The following GPC5 variants were observed in gnomAD, a reference collection of about 807,000 sequenced individuals.
GPC5 encodes glypican-5.
In GPC5, 47 loss-of-function variants were observed where a neutral mutation model predicts 53.9. That is an observed-to-expected ratio of 0.87 (90% CI 0.69 to 1.11). The LOEUF is 1.11. GPC5 is among the 50% of genes most tolerant of loss of function. GPC5 has a pLI of 0.00. For missense variants in GPC5, 748 were observed against 713.1 expected (o/e 1.05, Z -0.56); for synonymous variants, 286 against 263.3 (o/e 1.09, Z -0.84).
chr13:92,004,856 A>C (rs1028623205), intron 6 of GPC5, among the ~76,000 whole-genome samples: 11 of 152,080 alleles, frequency 7.2e-5, no homozygotes, highest in Admixed American at 5.9e-4. Context: ...ATTGTAGGGG[A>C]AACTGCCCTC....
At chr13:92,692,185 T>C (rs1049217766) in intron 7 of GPC5, among the ~76,000 whole-genome samples, 4 of 152,156 alleles carry the variant, frequency 2.6e-5, no homozygotes, top group African/African-American at 9.7e-5. Flanking sequence ...GCTACATCCA[T>C]GTTGCTGCAA....
intron 6 of GPC5, among the ~76,000 whole-genome samples, chr13:92,083,935 C>T (rs1338913636): frequency 2.0e-5 from 3 of 152,176 alleles, no homozygotes; most frequent in African/African-American, 7.2e-5. Flanking sequence ...TGGAATACTA[C>T]ATAGTCATAA....
At chr13:92,328,818 T>C (rs528019630) in intron 7 of GPC5, among the ~76,000 whole-genome samples, 2 of 152,306 alleles carry the variant, frequency 1.3e-5, no homozygotes, top group African/African-American at 4.8e-5. Flanking sequence ...TGTATATTTA[T>C]GGTTTGGGGC....
intron 7 of GPC5, among the ~76,000 whole-genome samples, chr13:92,386,781 CAGTT>C (rs898058401): frequency 1.3e-5 from 2 of 151,920 alleles, no homozygotes; most frequent in African/African-American, 4.8e-5. Context: ...TATATCTCTC[CAGTT>C]AGTTTCCATT....
At position 92,752,066 on chromosome 13, in the gene GPC5, G is replaced by GA. The variant is rs543323196; in HGVS notation, c.1562-114203dup. ...TTAAATAAAGAGGAATGAGAACCTTGAAAAAAAAAAAAAGCAAGAACTCTA... is the reference window on the plus strand; with the variant it reads ...TTAAATAAAGAGGAATGAGAACCTTGAAAAAAAAAAAAAAGCAAGAACTCTA... On this transcript the variant is annotated intron_variant, in intron 7 of 7. Coordinates refer to ENST00000377067, the MANE Select transcript of GPC5 (RefSeq NM_004466.6). 5.6e-3 allele frequency among the ~76,000 whole-genome samples: 763 copies of GA among 135,366 alleles called. 6 individuals carry two copies. Among genetic ancestry groups the GA allele is most frequent in the African/African-American group, 0.015 (537 of 36,914 alleles). The allele number at this position is 135,366 out of a possible 152,430, so 88.8% of individuals were successfully genotyped here. A position where few individuals can be genotyped will look rare whatever the true frequency, so the allele number is the denominator to read the frequency against.
At chr13:92,529,809 A>G (rs1397908250) in intron 7 of GPC5, among the ~76,000 whole-genome samples, 1 of 152,226 alleles carries the variant, frequency 6.6e-6, no homozygotes, top group Non-Finnish European at 1.5e-5. Flanking sequence ...ATGGCTGGGC[A>G]TGATGGCTCT....
chr13:92,470,131 C>T (rs1199104567), intron 7 of GPC5, among the ~76,000 whole-genome samples: 1 of 152,080 alleles, frequency 6.6e-6, no homozygotes, highest in Non-Finnish European at 1.5e-5. Flanking sequence ...GTGTTTTACT[C>T]AACCTTAGGG....
At chr13:92,305,660 T>C (rs2043105800) in intron 7 of GPC5, among the ~76,000 whole-genome samples, 1 of 152,236 alleles carries the variant, frequency 6.6e-6, no homozygotes, top group Non-Finnish European at 1.5e-5. Context: ...GCTGTTTTCA[T>C]TTAATATATT....
At chr13:92,315,421 C>T (rs141869513) in intron 7 of GPC5, among the ~76,000 whole-genome samples, 1 of 152,308 alleles carries the variant, frequency 6.6e-6, no homozygotes, top group African/African-American at 2.4e-5. Context: ...TCTCCCTGTT[C>T]ACTCTAGAAA....
chr13:91,404,247 A>G (rs1223586405), intron 1 of GPC5, among the ~76,000 whole-genome samples: 1 of 152,220 alleles, frequency 6.6e-6, no homozygotes, highest in East Asian at 1.9e-4. Flanking sequence ...ACCAAGAACA[A>G]CATTCTAGCT....
chr13:92,238,349 A>G (rs1190875258), intron 7 of GPC5, among the ~76,000 whole-genome samples: 7 of 151,888 alleles, frequency 4.6e-5, no homozygotes, highest in African/African-American at 1.7e-4. Context: ...TCACATCCTC[A>G]CCAATACTTA....
chr13:92,595,152 GTTC>G (rs1040405012), intron 7 of GPC5, among the ~76,000 whole-genome samples: 2 of 152,160 alleles, frequency 1.3e-5, no homozygotes, highest in African/African-American at 4.8e-5. Flanking sequence ...CGTCTTAACT[GTTC>G]TTTGTAAGTA....
At position 92,318,547 on chromosome 13, in the gene GPC5, A is replaced by T. The variant is rs79983385; in HGVS notation, c.1561+173558A>T. 9.8e-3 allele frequency among the ~76,000 whole-genome samples: 1,496 copies of T among 151,934 alleles called. 24 individuals carry two copies. The highest frequency in any genetic ancestry group is 0.034 in the African/African-American group (1,405 of 41,464). On this transcript the variant is annotated intron_variant, in intron 7 of 7. Coordinates refer to ENST00000377067, the MANE Select transcript of GPC5 (RefSeq NM_004466.6). ...ATTACTTAATTGTTAAGTATACCTAATTTTTTTTAATGCCTGTGTTTAATC... is the reference window on the plus strand; with the variant it reads ...ATTACTTAATTGTTAAGTATACCTATTTTTTTTTAATGCCTGTGTTTAATC...
intron 6 of GPC5, among the ~76,000 whole-genome samples, chr13:92,052,253 A>G (rs1209752366): frequency 6.6e-6 from 1 of 152,196 alleles, no homozygotes; most frequent in African/African-American, 2.4e-5. Flanking sequence ...GGTTGCCTGT[A>G]GTGTGCCCGG....
intron 6 of GPC5, among the ~76,000 whole-genome samples, chr13:92,107,341 T>G (rs1200043439): frequency 6.6e-6 from 1 of 152,098 alleles, no homozygotes; most frequent in South Asian, 2.1e-4. Flanking sequence ...ACCTGGTAAA[T>G]ACAAATTATT....
At chr13:92,490,078 G>A (rs1190281631) in intron 7 of GPC5, 2 of 153,998 alleles carry the variant, frequency 1.3e-5, no homozygotes, top group East Asian at 3.9e-4. Flanking sequence ...TATCTATAAT[G>A]TGCAGTTAAA....
At chr13:92,181,879 T>C (rs909863356) in intron 7 of GPC5, among the ~76,000 whole-genome samples, 1 of 152,210 alleles carries the variant, frequency 6.6e-6, no homozygotes, top group African/African-American at 2.4e-5. Flanking sequence ...TATGCAATTG[T>C]AATAAGAACT....
chr13:91,657,423 G>A (rs1261520595), intron 2 of GPC5, among the ~76,000 whole-genome samples: 2 of 152,108 alleles, frequency 1.3e-5, no homozygotes, highest in Non-Finnish European at 2.9e-5. Context: ...CCTTCCATGT[G>A]ACCTTTGGCA....
intron 7 of GPC5, among the ~76,000 whole-genome samples, chr13:92,354,359 G>A (rs1594126831): frequency 6.6e-6 from 1 of 152,186 alleles, no homozygotes; most frequent in African/African-American, 2.4e-5. Flanking sequence ...TTGAAAGCAT[G>A]TTACCACAAG....
Sources: allele counts gnomAD v4.1 joint callset (sites outside exome capture counted in the v4.1 genomes callset), GRCh38; gene constraint gnomAD v4.1.1; transcripts MANE v1.5; gene names NCBI Gene and HGNC (gene_info 2026-07-23, HGNC 2026-07-21).